Variants in DENND4A observed in about 807,000 individuals in gnomAD.
DENND4A encodes C-myc promoter-binding protein.
A neutral mutation model predicts 199.3 loss-of-function variants in DENND4A; 70 were observed. That is an observed-to-expected ratio of 0.35 (90% CI 0.29 to 0.43). The LOEUF (loss-of-function observed/expected upper bound fraction) is 0.43, where lower values mean the gene tolerates loss of function less well. Among genes scored for constraint, DENND4A ranks in the 20% least tolerant of loss-of-function variants. The pLI, the probability that DENND4A is intolerant of heterozygous loss-of-function variation, is 1.00. For missense variants in DENND4A, 1,723 were observed against 2,255.8 expected, an observed-to-expected ratio of 0.76 and a Z score of 4.78; for synonymous variants, 686 against 766.9, an observed-to-expected ratio of 0.89 and a Z score of 1.74.
chr15:65,791,382 C>T (rs575271200), intron 1 of DENND4A, among the ~76,000 whole-genome samples: 8 of 152,320 alleles, frequency 5.3e-5, no homozygotes, highest in African/African-American at 1.9e-4. Context: ...TACTGTTTTT[C>T]CTGCCCCCCA....
Position 65,702,908 on chromosome 15 carries a change from T to C in DENND4A, c.2188A>G (p.Asn730Asp). Residue 730 changes from asparagine to aspartate, a missense_variant, in exon 16 of 33, where the codon AAT becomes GAT. Asn to Asp is a conservative substitution (Grantham distance 23). Coordinates refer to ENST00000443035, the MANE Select transcript of DENND4A (RefSeq NM_001320835.1). ...CTTCTGAACATGGGCAAAGGGCTAT[T>C]AGGACTACTTGATTTTGAAGGCAAT... ...NKLPSKSSSP[N>D]SPLPMFRRTK... 6.2e-7 allele frequency: 1 copy of C among 1,613,364 alleles called. No homozygotes were observed. The highest frequency in any genetic ancestry group is 1.7e-5 in the Admixed American group (1 of 60,010).
intron 32 of DENND4A, 43 bp downstream of exon 32, chr15:65,664,287 C>A: frequency 9.2e-7 from 1 of 1,083,092 alleles, no homozygotes; most frequent in Non-Finnish European, 1.3e-6. Flanking sequence ...AAAACTATTC[C>A]ATGATATATA....
chr15:65,768,004 C>G (rs1459468286), intron 1 of DENND4A, among the ~76,000 whole-genome samples: 1 of 152,114 alleles, frequency 6.6e-6, no homozygotes, highest in Non-Finnish European at 1.5e-5. Flanking sequence ...GCTCTTACCC[C>G]ACTTCCTTCC....
At chr15:65,787,681 A>G (rs1596718341) in intron 1 of DENND4A, among the ~76,000 whole-genome samples, 2 of 152,348 alleles carry the variant, frequency 1.3e-5, no homozygotes, top group South Asian at 4.1e-4. Context: ...AGAAAGTTAC[A>G]AAAGGATATG....
At chr15:65,746,456 G>A (rs1372652293) in intron 4 of DENND4A, among the ~76,000 whole-genome samples, 3 of 122,778 alleles carry the variant, frequency 2.4e-5, no homozygotes, top group Non-Finnish European at 1.6e-5. Flanking sequence ...GCATGATCTC[G>A]GCTCACTGCA....
chr15:65,753,531 G>C (rs1202935068), intron 3 of DENND4A, among the ~76,000 whole-genome samples: 2 of 151,792 alleles, frequency 1.3e-5, no homozygotes, highest in Admixed American at 6.6e-5. Context: ...ACTAATTTTT[G>C]TATTTTTAGT....
At chr15:65,684,409 TAGTG>T (rs1305489168) in intron 23 of DENND4A, among the ~76,000 whole-genome samples, 11 of 152,238 alleles carry the variant, frequency 7.2e-5, no homozygotes, top group African/African-American at 2.7e-4. Context: ...GCCATTCCTC[TAGTG>T]AGTGTGAAAT....
intron 32 of DENND4A, among the ~76,000 whole-genome samples, chr15:65,662,721 T>G (rs1414695704): frequency 6.6e-6 from 1 of 152,220 alleles, no homozygotes; most frequent in Non-Finnish European, 1.5e-5. Context: ...AAATGGGGTA[T>G]GAATTATAAC....
rs1022023522 is a variant in DENND4A, at chr15:65,792,187, C to A, written c.-279G>T. 1 of 151,948 alleles carries A rather than the reference C, an allele frequency of 6.6e-6. No individual in the cohort carries two copies. The highest frequency in any genetic ancestry group is 1.9e-4 in the South Asian group (1 of 5,362). 9.4% of individuals were successfully genotyped at this position (151,948 alleles called of 1,614,324 possible). A position where few individuals can be genotyped will look rare whatever the true frequency, so the allele number is the denominator to read the frequency against. On this transcript the variant is annotated 5_prime_UTR_variant, in exon 1 of 33. Coordinates refer to ENST00000443035, the MANE Select transcript of DENND4A (RefSeq NM_001320835.1). ...CCCCCGCCCGCCCGCCCAGGCCTGCCGTCTCAGTCAGACGGGACTCCCCCT... is the reference window on the plus strand; with the variant it reads ...CCCCCGCCCGCCCGCCCAGGCCTGCAGTCTCAGTCAGACGGGACTCCCCCT...
chr15:65,684,384 A>T (rs2076682972), intron 23 of DENND4A, among the ~76,000 whole-genome samples: 1 of 152,184 alleles, frequency 6.6e-6, no homozygotes, highest in South Asian at 2.1e-4. Context: ...ACTTGTCATC[A>T]TCTTTTGGAT....
Position 65,671,898 on chromosome 15 carries a change from T to C in DENND4A, c.4370-12A>G. The stretch of plus-strand genomic sequence containing the variant: ...CTTCGACAGAGATCCTGTTCATTAG[T>C]GAAAAACAAAGAACAGAAACCATTA... On this transcript the variant is annotated splice_polypyrimidine_tract_variant and intron_variant, in intron 24 of 32. Transcript: ENST00000443035. 1 of 1,515,508 alleles carries C rather than the reference T, an allele frequency of 6.6e-7. No homozygotes were observed. The highest frequency in any genetic ancestry group is 9.2e-7 in the Non-Finnish European group (1 of 1,090,456). 93.9% of individuals were successfully genotyped at this position (1,515,508 alleles called of 1,614,324 possible).
chr15:65,674,230 A>G (rs1392569674), intron 24 of DENND4A, among the ~76,000 whole-genome samples: 2 of 152,224 alleles, frequency 1.3e-5, no homozygotes, highest in Non-Finnish European at 2.9e-5. Flanking sequence ...ACTTAAAAGT[A>G]TGATGGTATT....
intron 16 of DENND4A, 69 bp downstream of exon 16, chr15:65,702,804 A>T: frequency 1.4e-6 from 2 of 1,392,078 alleles, no homozygotes; most frequent in Non-Finnish European, 2.0e-6. Flanking sequence ...AAAGCATATT[A>T]CGGGAGGATA....
At chr15:65,737,639 T>C in intron 7 of DENND4A, 68 bp downstream of exon 7, 3 of 1,470,462 alleles carry the variant, frequency 2.0e-6, no homozygotes, top group Non-Finnish European at 2.7e-6. Flanking sequence ...ATTTACCCAG[T>C]TGCCGACACA....
At chr15:65,702,799 A>G in intron 16 of DENND4A, 74 bp downstream of exon 16, 2 of 1,353,696 alleles carry the variant, frequency 1.5e-6, no homozygotes, top group Non-Finnish European at 2.1e-6. Context: ...GTGATAAAGC[A>G]TATTACGGGA....
chr15:65,702,495 T>C lies in DENND4A; in HGVS notation c.2240A>G (p.His747Arg), dbSNP rs1019930426. The C allele has an allele frequency of 4.4e-6, 7 of 1,585,994 alleles. No homozygotes were observed. Among genetic ancestry groups the C allele is most frequent in the South Asian group, 2.3e-5 (2 of 86,372 alleles). The change falls in exon 17 of 33, where the codon CAT becomes CGT. Residue 747 changes from histidine (H) to arginine (R), a missense_variant. Transcript: ENST00000443035. The stretch of plus-strand genomic sequence containing the variant: ...GGAAGAGTACCTCTTTGCAATTTTA[T>C]GGGCTGATTTAATTTCCTGGAAAAA... ...RRTKQEIKSA[H>R]KIAKRYSSIP... is the part of the protein sequence containing the mutation.
intron 1 of DENND4A, among the ~76,000 whole-genome samples, chr15:65,766,016 C>T (rs1157471260): frequency 6.6e-6 from 1 of 152,118 alleles, no homozygotes; most frequent in Non-Finnish European, 1.5e-5. Context: ...TTTGGGAGGC[C>T]AAGGCAGGTG....
chr15:65,720,758 G>A (rs2075596036), intron 12 of DENND4A, among the ~76,000 whole-genome samples: 1 of 151,170 alleles, frequency 6.6e-6, no homozygotes, highest in South Asian at 2.1e-4. Flanking sequence ...TTAACTGTAT[G>A]ATCTGTGAGA....
rs550718491 is a variant in DENND4A at position 65,760,018 on chromosome 15, T to C, written c.-23+1342A>G. ...TTTCTTCAGGATACATTTGTTGAAA[T>C]AGAATTATTAGGTCAAAGGTTATAT... On this transcript the variant is annotated intron_variant, in intron 2 of 32. Coordinates refer to ENST00000443035, the MANE Select transcript of DENND4A (RefSeq NM_001320835.1). Among the ~76,000 whole-genome samples the C allele has an allele frequency of 9.2e-5, 14 of 152,346 alleles. No individual in the cohort carries two copies. The South Asian group carries it at 2.1e-3, about 23-fold the overall frequency.
Sources: allele counts gnomAD v4.1 joint callset (sites outside exome capture counted in the v4.1 genomes callset), GRCh38; gene constraint gnomAD v4.1.1; transcripts MANE v1.5; gene names NCBI Gene and HGNC (gene_info 2026-07-23, HGNC 2026-07-21).